DGKD: variants seen among roughly 807,000 people sequenced by gnomAD.
DGKD encodes DAG kinase delta.
A neutral mutation model predicts 154.4 loss-of-function variants in DGKD; 68 were observed. The observed-to-expected ratio is 0.44, with a 90% CI of 0.36 to 0.54. DGKD has a LOEUF of 0.54. Ranked by LOEUF, DGKD falls within the 20% of genes least tolerant of loss-of-function variation. The pLI, the probability that DGKD is intolerant of heterozygous loss-of-function variation, is 0.00. For synonymous variants in DGKD, 693 were observed against 638.0 expected, an observed-to-expected ratio of 1.09 and a Z score of -1.30; for missense variants, 1,343 against 1,593.6, an observed-to-expected ratio of 0.84 and a Z score of 2.68.
At chr2:233,451,916 G>A in intron 17 of DGKD, 48 bp from the exon 18 acceptor site, 2 of 1,529,908 alleles carry the variant, frequency 1.3e-6, no homozygotes, top group Non-Finnish European at 1.8e-6. Flanking sequence ...TTCTCCTAAG[G>A]CTGTAGCTCC....
At chr2:233,417,182 G>A (rs1468338514) in intron 3 of DGKD, among the ~76,000 whole-genome samples, 2 of 151,970 alleles carry the variant, frequency 1.3e-5, no homozygotes, top group Non-Finnish European at 2.9e-5. Context: ...AGAGGCACCC[G>A]CCACCACGCC....
chr2:233,368,313 C>T (rs1160985756), intron 1 of DGKD, among the ~76,000 whole-genome samples: 1 of 152,018 alleles, frequency 6.6e-6, no homozygotes, highest in African/African-American at 2.4e-5. Context: ...AGTTCGAGAC[C>T]AGCCTGGCCG....
intron 3 of DGKD, among the ~76,000 whole-genome samples, chr2:233,404,541 G>A (rs2061635036): frequency 6.6e-6 from 1 of 152,146 alleles, no homozygotes; most frequent in East Asian, 1.9e-4. Context: ...GGTGATTCTA[G>A]TTTGGTTCTG....
chr2:233,372,557 A>G (rs1175204569), intron 1 of DGKD, among the ~76,000 whole-genome samples: 2 of 152,040 alleles, frequency 1.3e-5, no homozygotes, highest in Admixed American at 6.5e-5. Context: ...CAAGAGGGCA[A>G]GTAGAACCAG....
intron 3 of DGKD, among the ~76,000 whole-genome samples, chr2:233,429,772 T>C (rs895795982): frequency 6.6e-6 from 1 of 152,222 alleles, no homozygotes; most frequent in African/African-American, 2.4e-5. Context: ...GCCTTTGCCG[T>C]CTCTCCTTCG....
At chr2:233,391,657 A>C (rs964510798) in intron 3 of DGKD, among the ~76,000 whole-genome samples, 12 of 152,226 alleles carry the variant, frequency 7.9e-5, no homozygotes, top group African/African-American at 2.9e-4. Flanking sequence ...TAATTAAAAA[A>C]ATTATTCTTT....
chr2:233,460,511 C>G (rs1036528733), intron 24 of DGKD, among the ~76,000 whole-genome samples, 166 bp downstream of exon 24: 1 of 152,150 alleles, frequency 6.6e-6, no homozygotes, highest in African/African-American at 2.4e-5. Context: ...TGGCTCATTT[C>G]CCCAGTGGTC....
At chr2:233,426,245 G>A (rs1164044799) in intron 3 of DGKD, among the ~76,000 whole-genome samples, 1 of 152,070 alleles carries the variant, frequency 6.6e-6, no homozygotes, top group Non-Finnish European at 1.5e-5. Flanking sequence ...CTCTTGTACA[G>A]TTATTTTCTA....
intron 3 of DGKD, among the ~76,000 whole-genome samples, chr2:233,407,316 C>T (rs1210377101): frequency 2.6e-5 from 4 of 151,896 alleles, no homozygotes; most frequent in African/African-American, 7.3e-5. Context: ...AGTAGATATC[C>T]GGAAAAAGTT....
chr2:233,364,729 G>C (rs894696672), intron 1 of DGKD, among the ~76,000 whole-genome samples: 30 of 152,290 alleles, frequency 2.0e-4, no homozygotes, highest in African/African-American at 7.0e-4. Flanking sequence ...TTGGGACAAA[G>C]AGAAAGCAAA....
intron 3 of DGKD, among the ~76,000 whole-genome samples, chr2:233,433,584 T>C (rs982370886): frequency 2.6e-5 from 4 of 152,134 alleles, no homozygotes; most frequent in African/African-American, 9.7e-5. Context: ...CAGAGTATAC[T>C]TGGATTGTTT....
intron 3 of DGKD, among the ~76,000 whole-genome samples, chr2:233,412,977 A>G (rs932721991): frequency 1.3e-5 from 2 of 152,114 alleles, no homozygotes; most frequent in South Asian, 2.1e-4. Flanking sequence ...GTTGGATTCA[A>G]TTTGCCATTA....
At chr2:233,385,000 C>T (rs1178600330) in intron 1 of DGKD, among the ~76,000 whole-genome samples, 1 of 152,192 alleles carries the variant, frequency 6.6e-6, no homozygotes, top group Non-Finnish European at 1.5e-5. Context: ...CTGGTCTGAG[C>T]TCCTGGCCAT....
In DGKD at chr2:233,445,482, A is replaced by G; in HGVS notation, c.1195-141A>G. ...TCCCCTCCAGTGGGCTCTGCCTGTA[A>G]TGTGTAAGCTGCGTGGTTTTAGGTC... On this transcript the variant is annotated intron_variant, in intron 10 of 29. Transcript: ENST00000264057. This position sits in a 1 kb window ranked among gnomAD's most constrained non-coding sequence, Gnocchi z 5.5. 1.7e-6 allele frequency: 2 copies of G among 1,162,488 alleles called. No individual in the cohort carries two copies. The highest frequency in any genetic ancestry group is 2.3e-6 in the Non-Finnish European group (2 of 856,748). 72.0% of individuals were successfully genotyped at this position (1,162,488 alleles called of 1,614,324 possible). A position where few individuals can be genotyped will look rare whatever the true frequency, so the allele number is the denominator to read the frequency against.
At chr2:233,463,245 A>G (rs566656198) in intron 26 of DGKD, among the ~76,000 whole-genome samples, 3 of 151,312 alleles carry the variant, frequency 2.0e-5, no homozygotes, top group Admixed American at 6.6e-5. Flanking sequence ...CCAGCCCTCC[A>G]CTCCGCACGC....
chr2:233,436,239 C>A, intron 6 of DGKD, 77 bp from the exon 7 acceptor site: 1 of 1,595,358 alleles, frequency 6.3e-7, no homozygotes, highest in Non-Finnish European at 8.5e-7. Flanking sequence ...TGGCTGAGTT[C>A]ACAACGAGCA....
chr2:233,467,632 T>C (rs777582541), intron 28 of DGKD, among the ~76,000 whole-genome samples: 5 of 152,120 alleles, frequency 3.3e-5, no homozygotes, highest in Non-Finnish European at 5.9e-5. Context: ...CCACCAGAGA[T>C]TGTGGGTGAT....
intron 6 of DGKD, 24 bp from the exon 7 acceptor site, chr2:233,436,292 G>A (rs1427835668): frequency 6.2e-7 from 1 of 1,613,996 alleles, no homozygotes; most frequent in Non-Finnish European, 8.5e-7. Context: ...AGCGTCCCTA[G>A]TGCGTGCCTC....
At chr2:233,380,809 A>G (rs1702859682) in intron 1 of DGKD, among the ~76,000 whole-genome samples, 1 of 152,106 alleles carries the variant, frequency 6.6e-6, no homozygotes, top group South Asian at 2.1e-4. Flanking sequence ...GGGCATACAC[A>G]TCGTTGCCAC....
Sources: gnomAD v4.1 joint callset for allele counts (sites outside exome capture counted in the v4.1 genomes callset) on GRCh38, gnomAD v4.1.1 for gene constraint, Gnocchi (gnomAD v3.1) non-coding constraint, MANE v1.5 for transcripts, NCBI Gene and HGNC (gene_info 2026-07-23, HGNC 2026-07-21) for gene names.